Variants in LRRC4C observed in about 807,000 individuals in gnomAD.
LRRC4C encodes leucine rich repeat containing 4C.
A neutral mutation model predicts 33.6 loss-of-function variants in LRRC4C; 5 were observed. The observed-to-expected ratio is 0.15, with a 90% CI of 0.08 to 0.31. The LOEUF (loss-of-function observed/expected upper bound fraction) is 0.31, where lower values mean the gene tolerates loss of function less well. Among genes scored for constraint, LRRC4C ranks in the 10% least tolerant of loss-of-function variants. The pLI, the probability that LRRC4C is intolerant of heterozygous loss-of-function variation, is 1.00. For missense variants in LRRC4C, 560 were observed against 796.7 expected (o/e 0.70, Z 3.58); for synonymous variants, 329 against 302.0 (o/e 1.09, Z -0.93).
intron 5 of LRRC4C, among the ~76,000 whole-genome samples, chr11:40,147,620 T>C (rs1857848862): frequency 6.6e-6 from 1 of 152,068 alleles, no homozygotes; most frequent in East Asian, 1.9e-4. Context: ...GGGCTTACTT[T>C]TTGTAGGTTA....
chr11:40,656,910 T>C (rs1943150116), intron 2 of LRRC4C, among the ~76,000 whole-genome samples: 1 of 152,186 alleles, frequency 6.6e-6, no homozygotes, highest in African/African-American at 2.4e-5. Flanking sequence ...TATTTAAAAT[T>C]TCATGATGAA....
intron 2 of LRRC4C, among the ~76,000 whole-genome samples, chr11:40,755,973 A>G (rs1948927758): frequency 6.6e-6 from 1 of 152,050 alleles, no homozygotes; most frequent in Admixed American, 6.6e-5. Flanking sequence ...AAATGAAGCC[A>G]TTGTGGGGTG....
chr11:40,861,853 T>A (rs1427669656), intron 2 of LRRC4C, among the ~76,000 whole-genome samples: 2 of 151,846 alleles, frequency 1.3e-5, no homozygotes, highest in African/African-American at 4.8e-5. Flanking sequence ...GAAAGTGGGG[T>A]GGGGAGGTGC....
intron 1 of LRRC4C, among the ~76,000 whole-genome samples, chr11:41,045,554 G>A (rs550600316): frequency 6.6e-6 from 1 of 152,228 alleles, no homozygotes; most frequent in African/African-American, 2.4e-5. Flanking sequence ...CTGACTTCAA[G>A]TAAGGATATG....
chr11:40,452,956 T>C (rs1951956522), intron 3 of LRRC4C, among the ~76,000 whole-genome samples: 1 of 146,590 alleles, frequency 6.8e-6, no homozygotes, highest in South Asian at 2.1e-4. Context: ...CCGCATGTTC[T>C]CACTCATCGG....
At chr11:40,665,380 ATATATATT>A (rs1378546865) in intron 2 of LRRC4C, among the ~76,000 whole-genome samples, 4 of 94,482 alleles carry the variant, frequency 4.2e-5, no homozygotes, top group African/African-American at 1.2e-4. Flanking sequence ...ATATATATAT[ATATATATT>A]ATTAGGGGTA....
intron 1 of LRRC4C, among the ~76,000 whole-genome samples, chr11:41,207,108 G>T (rs2136293880): frequency 6.6e-6 from 1 of 152,154 alleles, no homozygotes; most frequent in Middle Eastern, 3.4e-3. Flanking sequence ...CTTCCCAAAA[G>T]GATCCACAAC....
intron 2 of LRRC4C, among the ~76,000 whole-genome samples, chr11:40,773,198 T>G (rs1949833210): frequency 6.6e-6 from 1 of 152,152 alleles, no homozygotes; most frequent in African/African-American, 2.4e-5. Context: ...TAGCAGAGGC[T>G]GGGAAGGAAG....
chr11:41,091,404 A>G (rs1367553707), intron 1 of LRRC4C, among the ~76,000 whole-genome samples: 1 of 152,048 alleles, frequency 6.6e-6, no homozygotes, highest in East Asian at 1.9e-4. Flanking sequence ...TTATGGCTAA[A>G]ATAATTAAAT....
At chr11:41,159,209 T>C (rs1188060526) in intron 1 of LRRC4C, among the ~76,000 whole-genome samples, 1 of 152,122 alleles carries the variant, frequency 6.6e-6, no homozygotes, top group African/African-American at 2.4e-5. Flanking sequence ...GAAGATTGCA[T>C]GAGCTTAGGA....
At chr11:41,343,796 TC>T (rs1460425605) in intron 1 of LRRC4C, among the ~76,000 whole-genome samples, 2 of 152,168 alleles carry the variant, frequency 1.3e-5, no homozygotes, top group Non-Finnish European at 2.9e-5. Flanking sequence ...AGGAAAGAAG[TC>T]CCTATTTATA....
chr11:40,192,170 T>A (rs1861895979), intron 5 of LRRC4C, among the ~76,000 whole-genome samples: 1 of 152,036 alleles, frequency 6.6e-6, no homozygotes, highest in South Asian at 2.1e-4. Flanking sequence ...TTTCCTTGAT[T>A]CCCGGGCAAG....
At chr11:40,879,228 T>G (rs1416189209) in intron 2 of LRRC4C, among the ~76,000 whole-genome samples, 2 of 152,240 alleles carry the variant, frequency 1.3e-5, no homozygotes, top group South Asian at 4.1e-4. Context: ...ATTAAAGGTT[T>G]AAAATCTTAA....
intron 3 of LRRC4C, among the ~76,000 whole-genome samples, chr11:40,407,053 A>G (rs1027922051): frequency 6.6e-6 from 1 of 152,044 alleles, no homozygotes; most frequent in Non-Finnish European, 1.5e-5. Flanking sequence ...CTAGGTTTTC[A>G]TAGAAGCTTG....
At chr11:41,034,871 T>G (rs1287989166) in intron 1 of LRRC4C, among the ~76,000 whole-genome samples, 1 of 150,596 alleles carries the variant, frequency 6.6e-6, no homozygotes, top group African/African-American at 2.4e-5. Context: ...CATGGTTTCA[T>G]GAAGCTGTCA....
intron 1 of LRRC4C, among the ~76,000 whole-genome samples, chr11:40,989,407 A>G (rs908521920): frequency 5.9e-5 from 9 of 152,092 alleles, no homozygotes; most frequent in Admixed American, 5.2e-4. Context: ...ACTGCTGTTC[A>G]CCATGGTTAA....
chr11:40,438,075 C>G (rs1277978710), intron 3 of LRRC4C, among the ~76,000 whole-genome samples: 1 of 152,220 alleles, frequency 6.6e-6, no homozygotes, highest in Non-Finnish European at 1.5e-5. Context: ...CACCAGGCCT[C>G]ACTGAATGTT....
intron 1 of LRRC4C, among the ~76,000 whole-genome samples, chr11:41,354,221 C>A (rs192329242): frequency 6.6e-6 from 1 of 152,102 alleles, no homozygotes. Flanking sequence ...TAGCATTATA[C>A]ACCAATAACA....
intron 4 of LRRC4C, among the ~76,000 whole-genome samples, chr11:40,302,320 T>C (rs1255460237): frequency 6.6e-6 from 1 of 152,206 alleles, no homozygotes; most frequent in East Asian, 1.9e-4. Context: ...TTATGTCACA[T>C]TGAATTTCAA....
Sources: gnomAD v4.1 joint callset for allele counts (sites outside exome capture counted in the v4.1 genomes callset) on GRCh38, gnomAD v4.1.1 for gene constraint, MANE v1.5 for transcripts, NCBI Gene and HGNC (gene_info 2026-07-23, HGNC 2026-07-21) for gene names.